PDE4B: variants seen among roughly 807,000 people sequenced by gnomAD.
PDE4B encodes phosphodiesterase 4B.
Under a neutral mutation model 82.2 loss-of-function variants are expected in PDE4B, and 20 were observed. The ratio of observed to expected loss-of-function variants is 0.24; its 90% CI spans 0.17 to 0.35. PDE4B has a LOEUF of 0.35. Among genes scored for constraint, PDE4B ranks in the 10% least tolerant of loss-of-function variants. PDE4B has a pLI of 1.00. For synonymous variants in PDE4B, 320 were observed against 318.9 expected, an observed-to-expected ratio of 1.00 and a Z score of -0.04; for missense variants, 655 against 907.2, an observed-to-expected ratio of 0.72 and a Z score of 3.57.
intron 3 of PDE4B, among the ~76,000 whole-genome samples, chr1:66,131,199 A>T (rs2503170): frequency 0.69 from 105,530 of 151,954 alleles, 37,209 homozygotes; most frequent in African/African-American, 0.77. Context: ...AGTGTCCCCA[A>T]TAGCAGGAAG....
intron 7 of PDE4B, among the ~76,000 whole-genome samples, chr1:66,330,446 C>G (rs1340546831): frequency 6.6e-6 from 1 of 152,152 alleles, no homozygotes; most frequent in Non-Finnish European, 1.5e-5. Flanking sequence ...AAATCAGATC[C>G]CTTTTTTCCT....
rs146682041 is a variant in PDE4B at position 66,211,289 on chromosome 1, G to A, written c.282-36171G>A. ...CTTTCTCCAGCTAATCATATTATAC[G>A]TTCCAAGTCTCTTCTCTCTCCTTAA... On this transcript the variant is annotated intron_variant, in intron 3 of 16. Coordinates refer to ENST00000341517, the MANE Select transcript of PDE4B (RefSeq NM_002600.4). 2.0e-3 allele frequency among the ~76,000 whole-genome samples: 311 copies of A among 152,182 alleles called. 4 individuals are homozygous for A. The highest frequency in any genetic ancestry group is 0.014 in the East Asian group (71 of 5,188).
chr1:65,924,594 G>C (rs1046444730), intron 3 of PDE4B, among the ~76,000 whole-genome samples: 1 of 152,160 alleles, frequency 6.6e-6, no homozygotes, highest in Non-Finnish European at 1.5e-5. Context: ...GAGTTTCTAT[G>C]AATCAGGAAT....
intron 3 of PDE4B, among the ~76,000 whole-genome samples, chr1:66,102,101 A>G (rs996097742): frequency 6.6e-6 from 1 of 152,068 alleles, no homozygotes; most frequent in Non-Finnish European, 1.5e-5. Context: ...TCCTTTCCCC[A>G]TTTCTTGTTT....
intron 3 of PDE4B, among the ~76,000 whole-genome samples, chr1:66,073,261 T>C (rs1201842425): frequency 6.6e-6 from 1 of 152,116 alleles, no homozygotes; most frequent in African/African-American, 2.4e-5. Flanking sequence ...ATCTGTGGGA[T>C]TAGGCAGATC....
At chr1:65,804,553 A>T (rs1386869056) in intron 1 of PDE4B, among the ~76,000 whole-genome samples, 7 of 152,174 alleles carry the variant, frequency 4.6e-5, no homozygotes. Context: ...GGCCTAAAGC[A>T]CTGTGGTAGT....
intron 3 of PDE4B, among the ~76,000 whole-genome samples, chr1:65,987,637 G>GTCTCAC (rs1481820558): frequency 6.6e-6 from 1 of 152,046 alleles, no homozygotes; most frequent in Non-Finnish European, 1.5e-5. Flanking sequence ...TTGAGATGGA[G>GTCTCAC]TCTCACTGTT....
At chr1:66,033,768 T>TTTCC (rs1346198132) in intron 3 of PDE4B, among the ~76,000 whole-genome samples, 1 of 90,532 alleles carries the variant, frequency 1.1e-5, no homozygotes, top group Non-Finnish European at 3.0e-5. Context: ...CTCCTTTTAC[T>TTTCC]TTTCTTTCTT....
chr1:66,079,347 A>C (rs981760611), intron 3 of PDE4B, among the ~76,000 whole-genome samples: 3 of 152,044 alleles, frequency 2.0e-5, no homozygotes, highest in African/African-American at 4.8e-5. Context: ...CTGGTGCCCT[A>C]TTTGGTGACT....
chr1:66,216,504 C>T (rs1394023054), intron 3 of PDE4B, among the ~76,000 whole-genome samples: 1 of 152,076 alleles, frequency 6.6e-6, no homozygotes, highest in African/African-American at 2.4e-5. Flanking sequence ...TCTGAATTTC[C>T]TGCATCACTT....
intron 7 of PDE4B, among the ~76,000 whole-genome samples, chr1:66,307,800 ATTG>A (rs1658388991): frequency 1.3e-5 from 2 of 151,806 alleles, no homozygotes; most frequent in South Asian, 2.1e-4. Flanking sequence ...TGCTGTTGTT[ATTG>A]TTGTTTTTAA....
intron 7 of PDE4B, among the ~76,000 whole-genome samples, chr1:66,268,064 T>C (rs1655183826): frequency 6.6e-6 from 1 of 152,220 alleles, no homozygotes; most frequent in Non-Finnish European, 1.5e-5. Flanking sequence ...TGAATTCATG[T>C]ATTTCAATTG....
chr1:66,285,078 TACG>T, intron 7 of PDE4B, among the ~76,000 whole-genome samples: 1 of 152,270 alleles, frequency 6.6e-6, no homozygotes, highest in South Asian at 2.1e-4. Flanking sequence ...AAGATGAAAT[TACG>T]ACAAGAGCAA....
chr1:66,124,985 C>G (rs1031643203), intron 3 of PDE4B, among the ~76,000 whole-genome samples: 5 of 151,220 alleles, frequency 3.3e-5, no homozygotes, highest in African/African-American at 1.2e-4. Flanking sequence ...TGGTTCTCAC[C>G]TTGCACCCTG....
intron 3 of PDE4B, among the ~76,000 whole-genome samples, chr1:66,022,987 C>T (rs151028163): frequency 6.6e-6 from 1 of 152,006 alleles, no homozygotes; most frequent in African/African-American, 2.4e-5. Context: ...ATTTCAGAAC[C>T]TGTTATTGGT....
chr1:65,946,408 T>C (rs1002358735), intron 3 of PDE4B, among the ~76,000 whole-genome samples: 1 of 151,964 alleles, frequency 6.6e-6, no homozygotes, highest in Non-Finnish European at 1.5e-5. Context: ...GGCATAAATA[T>C]GTCTACTATG....
At chr1:66,244,421 A>C (rs1391198647) in intron 3 of PDE4B, among the ~76,000 whole-genome samples, 1 of 152,130 alleles carries the variant, frequency 6.6e-6, no homozygotes, top group African/African-American at 2.4e-5. Context: ...CTAAACAAAT[A>C]ATGGCCCTAT....
chr1:66,182,926 G>T (rs1477828574), intron 3 of PDE4B, among the ~76,000 whole-genome samples: 1 of 152,224 alleles, frequency 6.6e-6, no homozygotes, highest in Non-Finnish European at 1.5e-5. Context: ...GAAAGCCTCA[G>T]ACAAGGAATG....
intron 2 of PDE4B, among the ~76,000 whole-genome samples, chr1:65,913,715 C>T (rs1213071716): frequency 6.6e-6 from 1 of 152,148 alleles, no homozygotes; most frequent in East Asian, 1.9e-4. Context: ...TACAGCTAAC[C>T]CTTGAAAGTC....
Sources: gnomAD v4.1 joint callset for allele counts (sites outside exome capture counted in the v4.1 genomes callset) on GRCh38, gnomAD v4.1.1 for gene constraint, MANE v1.5 for transcripts, NCBI Gene and HGNC (gene_info 2026-07-23, HGNC 2026-07-21) for gene names.